The following ROBO1 variants were observed in gnomAD, a reference collection of about 807,000 sequenced individuals.
ROBO1 encodes roundabout homolog 1.
ROBO1 carries 149 observed loss-of-function variants against 195.9 expected under a neutral mutation model. The ratio of observed to expected loss-of-function variants is 0.76; its 90% CI spans 0.67 to 0.87. ROBO1 has a LOEUF of 0.87. Ranked by LOEUF, ROBO1 falls within the 40% of genes least tolerant of loss-of-function variation. The pLI, the probability that ROBO1 is intolerant of heterozygous loss-of-function variation, is 0.00. For missense variants in ROBO1, 1,933 were observed against 2,068.3 expected, an observed-to-expected ratio of 0.93 and a Z score of 1.27; for synonymous variants, 816 against 733.2, an observed-to-expected ratio of 1.11 and a Z score of -1.82.
intron 2 of ROBO1, among the ~76,000 whole-genome samples, chr3:79,427,588 G>A (rs12495410): frequency 0.53 from 79,873 of 151,880 alleles, 21,073 homozygotes; most frequent in East Asian, 0.62. Flanking sequence ...CTGGCATAAA[G>A]TCAGACATAG....
chr3:78,800,245 A>G (rs2084323753), intron 4 of ROBO1, among the ~76,000 whole-genome samples: 1 of 152,192 alleles, frequency 6.6e-6, no homozygotes, highest in African/African-American at 2.4e-5. Context: ...AGCAGCCCAG[A>G]AACGAAAAAA....
chr3:79,351,904 G>A (rs2035358045), intron 2 of ROBO1, among the ~76,000 whole-genome samples: 1 of 152,114 alleles, frequency 6.6e-6, no homozygotes, highest in Admixed American at 6.5e-5. Context: ...ATGATTTAAA[G>A]TGCAGTATGT....
At chr3:79,610,939 G>A (rs1323060881) in intron 1 of ROBO1, among the ~76,000 whole-genome samples, 1 of 152,056 alleles carries the variant, frequency 6.6e-6, no homozygotes, top group African/African-American at 2.4e-5. Context: ...CTCACTTGCA[G>A]AATTAGTTTC....
chr3:78,740,450 T>TTTTC (rs150036229), intron 5 of ROBO1, among the ~76,000 whole-genome samples: 9,428 of 103,066 alleles, frequency 0.091, 467 homozygotes, highest in African/African-American at 0.2. Flanking sequence ...ATTTTTCTTT[T>TTTTC]TTTCTTTCTT....
chr3:79,235,332 C>T (rs2082388517), intron 2 of ROBO1, among the ~76,000 whole-genome samples: 1 of 151,992 alleles, frequency 6.6e-6, no homozygotes, highest in African/African-American at 2.4e-5. Context: ...TATTGGAGAA[C>T]AGGTAGAATT....
intron 3 of ROBO1, among the ~76,000 whole-genome samples, chr3:79,032,124 T>C (rs1177197370): frequency 6.6e-6 from 1 of 151,446 alleles, no homozygotes; most frequent in Non-Finnish European, 1.5e-5. Context: ...AGGGAAACAA[T>C]AGCTTCTAGA....
intron 3 of ROBO1, among the ~76,000 whole-genome samples, chr3:79,031,705 A>G (rs986308597): frequency 6.6e-6 from 1 of 152,118 alleles, no homozygotes; most frequent in African/African-American, 2.4e-5. Flanking sequence ...GGAATTAGCA[A>G]TCATCAAACA....
rs566108028 is a variant in ROBO1, at chr3:79,620,592, A to T, written c.-50-30631T>A. ...CTTATTAGGTCATTTTAACTAAATT[A>T]TCTGCTTCCCAGACTATTCCTGGGC... On this transcript the variant is annotated intron_variant, in intron 1 of 30. Coordinates refer to ENST00000464233, the MANE Select transcript of ROBO1 (RefSeq NM_002941.4). 4.6e-5 allele frequency among the ~76,000 whole-genome samples: 7 copies of T among 152,130 alleles called. No individual in the cohort carries two copies. The South Asian group carries it at 1.2e-3, about 27-fold the overall frequency.
intron 2 of ROBO1, among the ~76,000 whole-genome samples, chr3:79,500,258 T>C (rs1321723076): frequency 2.7e-5 from 4 of 149,560 alleles, no homozygotes; most frequent in African/African-American, 9.8e-5. Flanking sequence ...GTCTCCGGAA[T>C]AGCTGGGATT....
intron 2 of ROBO1, among the ~76,000 whole-genome samples, chr3:79,457,548 T>C (rs2039657133): frequency 6.6e-6 from 1 of 152,020 alleles, no homozygotes; most frequent in Non-Finnish European, 1.5e-5. Context: ...TTTGACTGTG[T>C]CCCCACCCAA....
intron 4 of ROBO1, among the ~76,000 whole-genome samples, chr3:78,771,524 T>C (rs1216423482): frequency 6.6e-6 from 1 of 152,166 alleles, no homozygotes; most frequent in Non-Finnish European, 1.5e-5. Context: ...CTTCAATCAA[T>C]GAGCATGGAA....
intron 1 of ROBO1, among the ~76,000 whole-genome samples, chr3:79,647,897 A>G (rs1276399623): frequency 2.0e-5 from 3 of 152,140 alleles, no homozygotes; most frequent in Non-Finnish European, 1.5e-5. Flanking sequence ...GTTTTTATTA[A>G]TCTTTGAAAA....
intron 8 of ROBO1, among the ~76,000 whole-genome samples, chr3:78,711,649 C>A (rs115027891): frequency 7.4e-6 from 1 of 135,270 alleles, no homozygotes; most frequent in Non-Finnish European, 1.6e-5. Context: ...CCACGCCCAG[C>A]TAATTTTTTT....
intron 2 of ROBO1, among the ~76,000 whole-genome samples, chr3:79,527,019 G>A (rs762304978): frequency 3.3e-5 from 5 of 151,988 alleles, no homozygotes; most frequent in South Asian, 2.1e-4. Context: ...AGGCTTCCAC[G>A]CAAAACTTAC....
intron 2 of ROBO1, among the ~76,000 whole-genome samples, chr3:79,256,910 A>C (rs1576885283): frequency 6.6e-6 from 1 of 152,274 alleles, no homozygotes; most frequent in Middle Eastern, 3.4e-3. Flanking sequence ...GTGTCTTAGT[A>C]ACCTCTAAAT....
intron 2 of ROBO1, among the ~76,000 whole-genome samples, chr3:79,584,173 C>A (rs997496267): frequency 6.0e-5 from 9 of 150,820 alleles, no homozygotes; most frequent in African/African-American, 1.9e-4. Context: ...TCAAGATGAA[C>A]TTATTTTATC....
chr3:78,876,342 T>C (rs569636042), intron 4 of ROBO1, among the ~76,000 whole-genome samples: 63 of 152,212 alleles, frequency 4.1e-4, no homozygotes, highest in Non-Finnish European at 7.4e-4. Flanking sequence ...AAAAACTGTA[T>C]CAACTTAGCC....
intron 4 of ROBO1, among the ~76,000 whole-genome samples, chr3:78,891,279 C>T (rs1057140768): frequency 1.3e-5 from 2 of 152,096 alleles, no homozygotes; most frequent in South Asian, 2.1e-4. Flanking sequence ...AATGGAGAGG[C>T]TACAACCTTC....
At chr3:79,173,387 C>T (rs1194224456) in intron 2 of ROBO1, among the ~76,000 whole-genome samples, 3 of 152,210 alleles carry the variant, frequency 2.0e-5, no homozygotes, top group African/African-American at 4.8e-5. Flanking sequence ...TGCAGGCCAG[C>T]GCGAGTTCCA....
Sources: gnomAD v4.1 joint callset for allele counts (sites outside exome capture counted in the v4.1 genomes callset) on GRCh38, gnomAD v4.1.1 for gene constraint, MANE v1.5 for transcripts, NCBI Gene and HGNC (gene_info 2026-07-23, HGNC 2026-07-21) for gene names.